SRBD1: variants seen among roughly 807,000 people sequenced by gnomAD.
SRBD1 encodes S1 RNA-binding domain-containing protein 1.
Under a neutral mutation model 115.3 loss-of-function variants are expected in SRBD1, and 88 were observed. The ratio of observed to expected loss-of-function variants is 0.76; its 90% CI spans 0.64 to 0.91. SRBD1 has a LOEUF of 0.91. SRBD1 is among the 40% of genes least tolerant of loss of function. The probability of loss-of-function intolerance (pLI) is 0.00; values close to 1 mark genes in which losing one functional copy is unlikely to be tolerated. For missense variants in SRBD1, 1,385 were observed against 1,177.4 expected, an observed-to-expected ratio of 1.18 and a Z score of -2.58; for synonymous variants, 509 against 407.7, an observed-to-expected ratio of 1.25 and a Z score of -2.99.
chr2:45,499,548 C>A (rs760475018), intron 14 of SRBD1, among the ~76,000 whole-genome samples: 2 of 152,114 alleles, frequency 1.3e-5, no homozygotes, highest in African/African-American at 2.4e-5. Context: ...CTTTTGAGGT[C>A]TTACCCCAAA....
intron 16 of SRBD1, among the ~76,000 whole-genome samples, chr2:45,425,103 CA>C (rs1048073147): frequency 1.3e-5 from 2 of 152,174 alleles, no homozygotes; most frequent in Non-Finnish European, 2.9e-5. Flanking sequence ...ATCATTTAAT[CA>C]AGAATCAGAA....
chr2:45,535,646 GA>G (rs1403306837), intron 14 of SRBD1, among the ~76,000 whole-genome samples: 1 of 151,908 alleles, frequency 6.6e-6, no homozygotes, highest in Non-Finnish European at 1.5e-5. Context: ...GATAAAATAA[GA>G]AACAGAAGAT....
intron 15 of SRBD1, among the ~76,000 whole-genome samples, chr2:45,484,821 C>T (rs1319371485): frequency 6.6e-6 from 1 of 152,208 alleles, no homozygotes; most frequent in Non-Finnish European, 1.5e-5. Flanking sequence ...CTGCACATTT[C>T]ATATAACCAT....
chr2:45,403,978 A>C (rs1453055862), intron 19 of SRBD1, among the ~76,000 whole-genome samples: 2 of 152,164 alleles, frequency 1.3e-5, no homozygotes, highest in Non-Finnish European at 2.9e-5. Flanking sequence ...GAAGAATGTA[A>C]AAATGAATAG....
chr2:45,587,095 A>G (rs1673565426), intron 4 of SRBD1, among the ~76,000 whole-genome samples: 1 of 132,340 alleles, frequency 7.6e-6, no homozygotes, highest in Admixed American at 7.4e-5. Context: ...AATTTTTTAA[A>G]TATTTAATTA....
chr2:45,566,687 T>A (rs1010856556), intron 9 of SRBD1, among the ~76,000 whole-genome samples: 3 of 152,200 alleles, frequency 2.0e-5, no homozygotes, highest in Admixed American at 2.0e-4. Flanking sequence ...TCAATAAACC[T>A]ATTAGAAAAT....
At chr2:45,390,636 T>G (rs910412170) in intron 20 of SRBD1, among the ~76,000 whole-genome samples, 1 of 152,104 alleles carries the variant, frequency 6.6e-6, no homozygotes, top group African/African-American at 2.4e-5. Context: ...TAAGGCCTCA[T>G]TTTCCCCTCC....
At position 45,551,594 on chromosome 2, in the gene SRBD1, C is replaced by T. The variant is rs1046914237; in HGVS notation, c.1518-312G>A. Among the ~76,000 whole-genome samples, 11 of 152,194 alleles carry T rather than the reference C, an allele frequency of 7.2e-5. No homozygotes were observed. In the East Asian group the frequency reaches 2.1e-3, roughly 29 times the overall value. On this transcript the variant is annotated intron_variant, in intron 11 of 20. Coordinates refer to ENST00000263736, the MANE Select transcript of SRBD1 (RefSeq NM_018079.5). ...GTGAGAAAGACAGAGAGTGTACGCA[C>T]ATTTGAATGTCACATGGGATGCAAA...
chr2:45,535,023 G>C (rs569682548), intron 14 of SRBD1, among the ~76,000 whole-genome samples: 271 of 152,028 alleles, frequency 1.8e-3, no homozygotes, highest in African/African-American at 6.4e-3. Context: ...CATATTGTTA[G>C]ATTAGGTCCA....
At chr2:45,461,664 C>G (rs958740535) in intron 16 of SRBD1, among the ~76,000 whole-genome samples, 2 of 152,242 alleles carry the variant, frequency 1.3e-5, no homozygotes, top group Admixed American at 6.5e-5. Context: ...AACTGCCCCC[C>G]CCAACTTTTA....
chr2:45,520,413 T>G (rs1396675607), intron 14 of SRBD1, among the ~76,000 whole-genome samples: 1 of 152,222 alleles, frequency 6.6e-6, no homozygotes. Flanking sequence ...TTTAGGCATT[T>G]CTGGTGACAG....
In SRBD1 at chr2:45,553,726, T is replaced by G; in HGVS notation, c.1414A>C (p.Arg472=). Residue 472 remains arginine, a synonymous_variant, in exon 11 of 21, where the codon AGA becomes CGA. Coordinates refer to ENST00000263736, the MANE Select transcript of SRBD1 (RefSeq NM_018079.5). ...FCRWCIQNRW[R]PRSFARPELM... ...TCTGGCCTTGCAAAGCTACGTGGTC[T>G]CCACCTGCAAAACAGAAAAGCCCAC... 2 of 1,571,192 alleles carry G rather than the reference T, an allele frequency of 1.3e-6. No homozygotes were observed. The highest frequency in any genetic ancestry group is 1.7e-6 in the Non-Finnish European group (2 of 1,161,858).
At chr2:45,445,034 G>A (rs1286883414) in intron 16 of SRBD1, among the ~76,000 whole-genome samples, 1 of 152,144 alleles carries the variant, frequency 6.6e-6, no homozygotes, top group East Asian at 1.9e-4. Context: ...AAGTCATCCC[G>A]ACCACAGTAG....
At chr2:45,544,426 A>C (rs115882921) in intron 14 of SRBD1, among the ~76,000 whole-genome samples, 217 of 152,286 alleles carry the variant, frequency 1.4e-3, no homozygotes, top group African/African-American at 5.0e-3. Flanking sequence ...CTAAAGCTAA[A>C]AGAGGATTAA....
chr2:45,407,881 A>G (rs529176865), intron 19 of SRBD1, among the ~76,000 whole-genome samples: 1 of 152,126 alleles, frequency 6.6e-6, no homozygotes, highest in Admixed American at 6.5e-5. Flanking sequence ...TTAAAAAATT[A>G]TATAAATAAT....
intron 19 of SRBD1, among the ~76,000 whole-genome samples, chr2:45,395,653 T>G (rs1667126164): frequency 1.3e-5 from 2 of 152,150 alleles, no homozygotes; most frequent in African/African-American, 4.8e-5. Context: ...TTTTGAAAAC[T>G]TTCTTAAAGT....
intron 10 of SRBD1, among the ~76,000 whole-genome samples, chr2:45,557,233 C>A (rs968743217): frequency 2.0e-5 from 3 of 152,058 alleles, no homozygotes; most frequent in African/African-American, 7.2e-5. Context: ...AGCTATGGAG[C>A]CTGACGAGGT....
intron 5 of SRBD1, among the ~76,000 whole-genome samples, chr2:45,583,791 C>T (rs1160191638): frequency 6.6e-6 from 1 of 152,134 alleles, no homozygotes; most frequent in Non-Finnish European, 1.5e-5. Flanking sequence ...AGAAAAAGAT[C>T]TCTTAAGTTC....
At chr2:45,465,540 G>A (rs1669461679) in intron 16 of SRBD1, among the ~76,000 whole-genome samples, 1 of 152,104 alleles carries the variant, frequency 6.6e-6, no homozygotes, top group Non-Finnish European at 1.5e-5. Context: ...TTCTTACCTT[G>A]AACATAAAGG....
Sources: allele counts gnomAD v4.1 joint callset (sites outside exome capture counted in the v4.1 genomes callset), GRCh38; gene constraint gnomAD v4.1.1; transcripts MANE v1.5; gene names NCBI Gene and HGNC (gene_info 2026-07-23, HGNC 2026-07-21).